The following PLEKHM2 variants were observed in gnomAD, a reference collection of about 807,000 sequenced individuals.
PLEKHM2 encodes pleckstrin homology domain-containing family M member 2.
PLEKHM2 carries 77 observed loss-of-function variants against 116.3 expected under a neutral mutation model. The ratio of observed to expected loss-of-function variants is 0.66; its 90% CI spans 0.55 to 0.80. The LOEUF (loss-of-function observed/expected upper bound fraction) is 0.80. Ranked by LOEUF, PLEKHM2 falls within the 30% of genes least tolerant of loss-of-function variation. The probability of loss-of-function intolerance (pLI) is 0.00; values close to 1 mark genes in which losing one functional copy is unlikely to be tolerated. For missense variants in PLEKHM2, 1,183 were observed against 1,354.9 expected, an observed-to-expected ratio of 0.87 and a Z score of 1.99; for synonymous variants, 562 against 571.0, an observed-to-expected ratio of 0.98 and a Z score of 0.22.
At position 15,718,585 on chromosome 1, in the gene PLEKHM2, TG is replaced by T; in HGVS notation, c.427del (p.Val143CysfsTer4). 6.5e-7 allele frequency: 1 copy of T among 1,531,218 alleles called. No homozygotes were observed. Among genetic ancestry groups the T allele is most frequent in the Non-Finnish European group, 8.8e-7 (1 of 1,131,688 alleles). 94.9% of individuals were successfully genotyped at this position (1,531,218 alleles called of 1,614,324 possible). On this transcript the variant is annotated frameshift_variant, in exon 5 of 20. Coordinates refer to ENST00000375799, the MANE Select transcript of PLEKHM2 (RefSeq NM_015164.4). LOFTEE classifies it high-confidence loss of function. The part of the protein sequence containing the change: ...SHDHLTLFLT[L>X]VSGLEFIRFE... ...GATCACCTGACGCTCTTCCTGACCT[TG>T]GTGTCCGGGCTAGAGTTCATTCGTT...
At chr1:15,681,846 T>A (rs1640651065), upstream of PLEKHM2, among the ~76,000 whole-genome samples, 1 of 152,216 alleles carries the variant, frequency 6.6e-6, no homozygotes, top group South Asian at 2.1e-4. Flanking sequence ...TCTCTGAATA[T>A]GAGAGGTAGA....
chr1:15,695,196 TAACA>T (rs1640969541), intron 1 of PLEKHM2, among the ~76,000 whole-genome samples: 1 of 152,222 alleles, frequency 6.6e-6, no homozygotes, highest in African/African-American at 2.4e-5. Context: ...CAGTTGGAAC[TAACA>T]GATTCTGAGA....
At chr1:15,694,560 C>T (rs1398982727) in intron 1 of PLEKHM2, among the ~76,000 whole-genome samples, 3 of 151,980 alleles carry the variant, frequency 2.0e-5, no homozygotes, top group African/African-American at 7.3e-5. Flanking sequence ...GTGCAAACAT[C>T]CTAGAACTTC....
chr1:15,716,336 C>T lies in PLEKHM2; in HGVS notation c.160C>T (p.Leu54=). The part of the protein sequence containing the change: ...RLCEHLDHAL[L]YGLQDLSSGY... ...GTGTGAGCACCTGGACCACGCCCTG[C>T]TGTACGGGTAAGGTGGAGGAAGTTT... The change falls in exon 2 of 20, where the codon CTG becomes TTG. Residue 54 remains leucine (L), a synonymous_variant. Coordinates refer to ENST00000375799, the MANE Select transcript of PLEKHM2 (RefSeq NM_015164.4). 6.3e-7 allele frequency: 1 copy of T among 1,588,710 alleles called. No homozygotes were observed.
chr1:15,730,872 T>G, intron 15 of PLEKHM2, 150 bp downstream of exon 15: 1 of 701,326 alleles, frequency 1.4e-6, no homozygotes, highest in Non-Finnish European at 2.4e-6. Context: ...TGGAGTTGAC[T>G]TAGCTCAGGC....
rs1367955756 is a variant in PLEKHM2 at position 15,719,443 on chromosome 1, T to A, written c.466-291T>A. 8.3e-6 allele frequency among the ~76,000 whole-genome samples: 1 copy of A among 120,320 alleles called. No individual in the cohort carries two copies. The highest frequency in any genetic ancestry group is 4.9e-5 in the African/African-American group (1 of 20,320). 78.9% of individuals were successfully genotyped at this position (120,320 alleles called of 152,430 possible). ...TCCAGCCAGGGCAACAGAGTGAGAC[T>A]CTGTCTCAAAAAAAAAAATAAATAA... On this transcript the variant is annotated intron_variant, in intron 5 of 19. Transcript: ENST00000375799. The surrounding 1 kb of genome is among the most constrained non-coding windows in gnomAD (Gnocchi z 4.1).
intron 1 of PLEKHM2, among the ~76,000 whole-genome samples, chr1:15,700,650 G>T (rs933444238): frequency 6.6e-6 from 1 of 152,124 alleles, no homozygotes; most frequent in Non-Finnish European, 1.5e-5. Flanking sequence ...TGAATGGGAG[G>T]CCCCAGGAAA....
At position 15,728,106 on chromosome 1, in the gene PLEKHM2, C is replaced by T; in HGVS notation, c.1788C>T (p.Leu596=). 6.2e-7 allele frequency: 1 copy of T among 1,611,448 alleles called. No individual in the cohort carries two copies. The highest frequency in any genetic ancestry group is 8.5e-7 in the Non-Finnish European group (1 of 1,178,836). ...FRVDNNHLLL[L]MIHVFRENEE... ...TAGACAACAATCACCTGCTCCTGCT[C>T]ATGATCCACGTGTTCCGAGAAAACG... The change falls in exon 10 of 20, where the codon CTC becomes CTT. Residue 596 remains leucine (L), a synonymous_variant. Coordinates refer to ENST00000375799, the MANE Select transcript of PLEKHM2 (RefSeq NM_015164.4). This position sits in a 1 kb window ranked among gnomAD's most constrained non-coding sequence, Gnocchi z 5.9.
At chr1:15,695,984 T>A (rs1295004675) in intron 1 of PLEKHM2, among the ~76,000 whole-genome samples, 10 of 142,836 alleles carry the variant, frequency 7.0e-5, no homozygotes, top group Middle Eastern at 3.4e-3. Flanking sequence ...TTCTATATTT[T>A]TTTTTTTTTT....
intron 1 of PLEKHM2, among the ~76,000 whole-genome samples, chr1:15,713,190 C>T (rs770740809): frequency 2.0e-5 from 3 of 152,160 alleles, no homozygotes; most frequent in Admixed American, 6.6e-5. Flanking sequence ...TGGCCTCAAA[C>T]GATCCTCCTG....
At chr1:15,704,758 C>T (rs1641187631) in intron 1 of PLEKHM2, among the ~76,000 whole-genome samples, 1 of 152,190 alleles carries the variant, frequency 6.6e-6, no homozygotes, top group African/African-American at 2.4e-5. Flanking sequence ...CCTTTTAGGC[C>T]CCTGCTGCCA....
At position 15,731,973 on chromosome 1, in the gene PLEKHM2, C is replaced by T. The variant is rs1181143080; in HGVS notation, c.2550C>T (p.Cys850=). The change falls in exon 17 of 20, where the codon TGC becomes TGT. Residue 850 remains cysteine (C), a synonymous_variant. Transcript: ENST00000375799. ...AFQVILSDRP[C]LELSAESEAE... ...AGGTCATTCTCTCCGACCGGCCCTG[C>T]CTGGAGCTAAGTGCCGAGAGCGAGG... The T allele has an allele frequency of 1.2e-6, 2 of 1,612,340 alleles. No individual in the cohort carries two copies. Among genetic ancestry groups the T allele is most frequent in the South Asian group, 2.2e-5 (2 of 91,058 alleles).
At chr1:15,724,548 C>T (rs1216620678) in intron 7 of PLEKHM2, among the ~76,000 whole-genome samples, 1 of 152,078 alleles carries the variant, frequency 6.6e-6, no homozygotes, top group Non-Finnish European at 1.5e-5. Flanking sequence ...TGGTCCTGCC[C>T]CCGAGGAGTG....
Position 15,721,495 on chromosome 1 carries a change from A to G in PLEKHM2, c.712+107A>G, listed in dbSNP as rs556149633. On this transcript the variant is annotated intron_variant, in intron 7 of 19. Transcript: ENST00000375799. The surrounding 1 kb of genome is among the most constrained non-coding windows in gnomAD (Gnocchi z 5.1). ...CCTTATTATTTATAATAATATCCAT[A>G]ATCATAATAAAGCCAAGTTTGGTGT... 40 of 700,400 alleles carry G rather than the reference A, an allele frequency of 5.7e-5. No individual in the cohort carries two copies. The Admixed American group carries it at 1.0e-3, about 18-fold the overall frequency. The allele number at this position is 700,400 out of a possible 1,614,324, so 43.4% of individuals were successfully genotyped here.
chr1:15,724,612 CCT>C (rs1437218426), intron 7 of PLEKHM2, among the ~76,000 whole-genome samples: 3 of 152,152 alleles, frequency 2.0e-5, no homozygotes, highest in Non-Finnish European at 4.4e-5. Context: ...CTCTCGGACC[CCT>C]GTCTTTGCCC....
At chr1:15,686,328 C>T (rs1640767607) in intron 1 of PLEKHM2, among the ~76,000 whole-genome samples, 2 of 152,188 alleles carry the variant, frequency 1.3e-5, no homozygotes, top group South Asian at 4.1e-4. Context: ...AGCATGGATT[C>T]TGGAGTCCAG....
intron 8 of PLEKHM2, 36 bp downstream of exon 8, chr1:15,725,581 C>A: frequency 6.9e-7 from 1 of 1,458,032 alleles, no homozygotes; most frequent in South Asian, 1.2e-5. Flanking sequence ...AGCTGAGGTC[C>A]TGGGGTCCAA....
chr1:15,732,776 G>T, intron 19 of PLEKHM2, 48 bp downstream of exon 19: 1 of 1,294,018 alleles, frequency 7.7e-7, no homozygotes, highest in Middle Eastern at 1.8e-4. Flanking sequence ...CTGTGGAGTG[G>T]GAGCCACTCC....
intron 7 of PLEKHM2, among the ~76,000 whole-genome samples, chr1:15,722,105 T>C (rs558893818): frequency 6.6e-6 from 1 of 152,362 alleles, no homozygotes; most frequent in East Asian, 1.9e-4. Context: ...CCCCCTTAAA[T>C]CTGAGGCCAT....
Sources: allele counts gnomAD v4.1 joint callset (sites outside exome capture counted in the v4.1 genomes callset), GRCh38; gene constraint gnomAD v4.1.1; non-coding constraint Gnocchi (gnomAD v3.1); transcripts MANE v1.5; gene names NCBI Gene and HGNC (gene_info 2026-07-23, HGNC 2026-07-21).